PTGFR: variants seen among roughly 807,000 people sequenced by gnomAD.
PTGFR encodes prostaglandin F receptor, also known as prostaglandin F2-alpha receptor.
A neutral mutation model predicts 26.2 loss-of-function variants in PTGFR; 15 were observed. That is an observed-to-expected ratio of 0.57 (90% CI 0.38 to 0.88). The LOEUF is 0.88. PTGFR is among the 40% of genes least tolerant of loss of function. The pLI is 0.00. For missense variants in PTGFR, 369 were observed against 427.2 expected, an observed-to-expected ratio of 0.86 and a Z score of 1.20; for synonymous variants, 165 against 151.1, an observed-to-expected ratio of 1.09 and a Z score of -0.68.
intron 2 of PTGFR, among the ~76,000 whole-genome samples, chr1:78,533,063 A>G (rs1199989352): frequency 6.6e-6 from 1 of 152,138 alleles, no homozygotes; most frequent in Non-Finnish European, 1.5e-5. Flanking sequence ...ATTTCTGTCC[A>G]GTGTATTTTC....
At chr1:78,499,459 A>G (rs1649645990) in intron 2 of PTGFR, among the ~76,000 whole-genome samples, 2 of 152,172 alleles carry the variant, frequency 1.3e-5, no homozygotes. Context: ...CCTGGCATAT[A>G]GTTGGGGTCA....
At position 78,493,263 on chromosome 1, in the gene PTGFR, C is replaced by T. The variant is rs771837091; in HGVS notation, c.520C>T (p.His174Tyr). The T allele has an allele frequency of 1.9e-6, 3 of 1,614,140 alleles. No homozygotes were observed. Among genetic ancestry groups the T allele is most frequent in the Middle Eastern group, 1.6e-4 (1 of 6,062 alleles). ...CATAGCTTTGCTGCCCATCCTTGGA[C>T]ATCGAGACTATAAAATTCAGGCGTC... is the stretch of plus-strand genomic sequence containing the variant. ...VFIALLPILGHRDYKIQASRT... is the reference protein window; with the variant it reads ...VFIALLPILGYRDYKIQASRT... The change falls in exon 2 of 3, where the codon CAT becomes TAT. Residue 174 changes from histidine (H) to tyrosine (Y), a missense_variant. His to Tyr is a moderately conservative substitution (Grantham distance 83, BLOSUM62 2). Transcript: ENST00000370757.
At chr1:78,500,899 A>G (rs1649688205) in intron 2 of PTGFR, among the ~76,000 whole-genome samples, 1 of 152,214 alleles carries the variant, frequency 6.6e-6, no homozygotes, top group Non-Finnish European at 1.5e-5. Context: ...TTTAAAAGAC[A>G]TTGCTAGGAT....
At chr1:78,499,218 C>T (rs576682471) in intron 2 of PTGFR, among the ~76,000 whole-genome samples, 1 of 152,310 alleles carries the variant, frequency 6.6e-6, no homozygotes, top group African/African-American at 2.4e-5. Flanking sequence ...TCTTTCTTCT[C>T]TGTTCTCTCA....
Position 78,538,498 on chromosome 1 carries a change from A to G in PTGFR, c.*1811A>G, listed in dbSNP as rs1013059979. 1 of 151,860 alleles carries G rather than the reference A, an allele frequency of 6.6e-6. No individual in the cohort carries two copies. Among genetic ancestry groups the G allele is most frequent in the Admixed American group, 6.6e-5 (1 of 15,186 alleles). 9.4% of individuals were successfully genotyped at this position (151,860 alleles called of 1,614,324 possible). On this transcript the variant is annotated 3_prime_UTR_variant, in exon 3 of 3. Transcript: ENST00000370757. The stretch of plus-strand genomic sequence containing the variant: ...TTTGGGTAACCAAATTGGTCTTAAA[A>G]ATGATGTTAACCCAAGAAGTAGACA...
In PTGFR at chr1:78,490,985, C is replaced by CCAT. The variant is rs1649376496; in HGVS notation, c.-322_-320dup. 6.6e-6 allele frequency: 1 copy of CCAT among 152,602 alleles called. No individual in the cohort carries two copies. Among genetic ancestry groups the CCAT allele is most frequent in the African/African-American group, 2.4e-5 (1 of 41,476 alleles). 9.5% of individuals were successfully genotyped at this position (152,602 alleles called of 1,614,324 possible). On this transcript the variant is annotated 5_prime_UTR_variant, in exon 1 of 3. Transcript: ENST00000370757. ...AAGAGGCGGAGGTCACTCGCGCGCCCCATCCCTCCCAGGCTGCCAGCGCAG... is the reference window on the plus strand; with the variant it reads ...AAGAGGCGGAGGTCACTCGCGCGCCCCATCATCCCTCCCAGGCTGCCAGCGCAG...
intron 2 of PTGFR, among the ~76,000 whole-genome samples, chr1:78,504,030 T>C (rs1649769396): frequency 6.6e-6 from 1 of 152,154 alleles, no homozygotes. Context: ...GCTGGTGGTA[T>C]GAGGGTGAAG....
intron 2 of PTGFR, among the ~76,000 whole-genome samples, chr1:78,511,526 T>G (rs1336668758): frequency 6.6e-6 from 1 of 151,880 alleles, no homozygotes; most frequent in Non-Finnish European, 1.5e-5. Flanking sequence ...CACATGGCAG[T>G]GAGGCCCTGG....
At position 78,493,298 on chromosome 1, in the gene PTGFR, G is replaced by T; in HGVS notation, c.555G>T (p.Trp185Cys). 1 of 1,614,160 alleles carries T rather than the reference G, an allele frequency of 6.2e-7. No homozygotes were observed. ...ATAAAATTCAGGCGTCGAGGACCTGGTGTTTCTACAACACAGAAGACATCA... is the reference window on the plus strand; with the variant it reads ...ATAAAATTCAGGCGTCGAGGACCTGTTGTTTCTACAACACAGAAGACATCA... ...RDYKIQASRT[W>C]CFYNTEDIKD... Residue 185 changes from tryptophan to cysteine, a missense_variant, in exon 2 of 3, where the codon TGG becomes TGT. Coordinates refer to ENST00000370757, the MANE Select transcript of PTGFR (RefSeq NM_000959.4).
At chr1:78,526,395 T>C (rs1385133779) in intron 2 of PTGFR, among the ~76,000 whole-genome samples, 1 of 152,034 alleles carries the variant, frequency 6.6e-6, no homozygotes, top group Non-Finnish European at 1.5e-5. Context: ...TGCTGTATGT[T>C]TGGTGTCATT....
chr1:78,496,277 C>T (rs996583155), intron 2 of PTGFR, among the ~76,000 whole-genome samples: 1 of 152,130 alleles, frequency 6.6e-6, no homozygotes, highest in Non-Finnish European at 1.5e-5. Context: ...TTTTCTCTCA[C>T]ATATCTAGGA....
chr1:78,527,746 A>C (rs865913466), intron 2 of PTGFR, among the ~76,000 whole-genome samples: 5 of 152,136 alleles, frequency 3.3e-5, no homozygotes, highest in African/African-American at 7.2e-5. Flanking sequence ...ACAAATAGAC[A>C]GCCACTATGT....
rs1649434633 is a variant in PTGFR at position 78,492,684 on chromosome 1, C to A, written c.-60C>A. On this transcript the variant is annotated 5_prime_UTR_variant, in exon 2 of 3. The change creates a premature stop within an existing upstream ORF in the 5' untranslated region. Coordinates refer to ENST00000370757, the MANE Select transcript of PTGFR (RefSeq NM_000959.4). Reference sequence around the variant, plus strand: ...CTTTATCCTACAGATGTCTGGACTGCAATCCTGCACAGTTTTGAGAGGGAG... The same window carrying A: ...CTTTATCCTACAGATGTCTGGACTGAAATCCTGCACAGTTTTGAGAGGGAG... The A allele has an allele frequency of 3.4e-6, 5 of 1,481,920 alleles. No individual in the cohort carries two copies. Among genetic ancestry groups the A allele is most frequent in the African/African-American group, 2.8e-5 (2 of 71,486 alleles). 91.8% of individuals were successfully genotyped at this position (1,481,920 alleles called of 1,614,324 possible).
At chr1:78,531,146 C>T (rs543872391) in intron 2 of PTGFR, among the ~76,000 whole-genome samples, 1 of 152,092 alleles carries the variant, frequency 6.6e-6, no homozygotes, top group African/African-American at 2.4e-5. Context: ...ATTTGATGGC[C>T]AGAAGTAGGT....
chr1:78,500,892 A>T (rs969378639), intron 2 of PTGFR, among the ~76,000 whole-genome samples: 1 of 152,232 alleles, frequency 6.6e-6, no homozygotes, highest in Non-Finnish European at 1.5e-5. Context: ...ATCCATTTTT[A>T]AAAGACATTG....
chr1:78,525,103 T>C (rs748216907), intron 2 of PTGFR, among the ~76,000 whole-genome samples: 3 of 151,856 alleles, frequency 2.0e-5, no homozygotes, highest in Non-Finnish European at 2.9e-5. Context: ...AAGACTATTG[T>C]AATACTTCCA....
At chr1:78,533,850 A>G (rs925330410) in intron 2 of PTGFR, among the ~76,000 whole-genome samples, 1 of 152,134 alleles carries the variant, frequency 6.6e-6, no homozygotes, top group Non-Finnish European at 1.5e-5. Flanking sequence ...TGATGTTAAC[A>G]GTTGATAGAA....
chr1:78,528,286 A>G (rs558280963), intron 2 of PTGFR, among the ~76,000 whole-genome samples: 139 of 144,210 alleles, frequency 9.6e-4, no homozygotes, highest in Non-Finnish European at 1.7e-3. Flanking sequence ...GTAAGTTCAG[A>G]AAGTTAGCAA....
chr1:78,533,493 C>T (rs950469198), intron 2 of PTGFR, among the ~76,000 whole-genome samples: 1 of 152,080 alleles, frequency 6.6e-6, no homozygotes, highest in Non-Finnish European at 1.5e-5. Flanking sequence ...TAAATGGAGC[C>T]CATTGTTTCC....
Sources: allele counts gnomAD v4.1 joint callset (sites outside exome capture counted in the v4.1 genomes callset), GRCh38; gene constraint gnomAD v4.1.1; transcripts MANE v1.5; gene names NCBI Gene and HGNC (gene_info 2026-07-23, HGNC 2026-07-21).